Variants in CPT2 observed in about 807,000 individuals in gnomAD.
CPT2 encodes the protein carnitine palmitoyltransferase 2, also known as carnitine O-palmitoyltransferase 2, mitochondrial.
CPT2 carries 37 observed loss-of-function variants against 48.6 expected under a neutral mutation model. The observed-to-expected ratio is 0.76, with a 90% CI of 0.59 to 1.00. CPT2 has a LOEUF of 1.00. CPT2 is among the 50% of genes least tolerant of loss of function. The pLI, the probability that CPT2 is intolerant of heterozygous loss-of-function variation, is 0.00. For synonymous variants in CPT2, 319 were observed against 326.9 expected (o/e 0.98, Z 0.26); for missense variants, 772 against 825.6 (o/e 0.94, Z 0.80).
At chr1:53,202,692 T>C (rs1645361217) in intron 3 of CPT2, 1 of 496,264 alleles carries the variant, frequency 2.0e-6, no homozygotes, top group Non-Finnish European at 3.7e-6. Flanking sequence ...TGGTCCTGTC[T>C]GAAAAGGATG....
rs1645417147 is a variant in CPT2, at chr1:53,210,592, G to A, written c.918G>A (p.Leu306=). ...TCTGGGCAGAGCTCAGGCAGAAGCTGATGAGTAGTGGCAATGAGGAGAGCC... is the reference window on the plus strand; with the variant it reads ...TCTGGGCAGAGCTCAGGCAGAAGCTAATGAGTAGTGGCAATGAGGAGAGCC... ...RDIWAELRQK[L]MSSGNEESLR... Residue 306 remains leucine (L), a synonymous_variant, in exon 4 of 5, where the codon CTG becomes CTA. Transcript: ENST00000371486. 2 of 1,614,024 alleles carry A rather than the reference G, an allele frequency of 1.2e-6. No homozygotes were observed. Among genetic ancestry groups the A allele is most frequent in the Non-Finnish European group, 8.5e-7 (1 of 1,180,040 alleles).
chr1:53,213,052 G>T, intron 4 of CPT2: 1 of 601,118 alleles, frequency 1.7e-6, no homozygotes, highest in Admixed American at 2.9e-5. Context: ...ATTTTTAAAT[G>T]TAACATGACA....
Position 53,200,807 on chromosome 1 carries a change from CTG to C in CPT2, c.233+9_233+10del. On this transcript the variant is annotated intron_variant, in intron 2 of 4. Coordinates refer to ENST00000371486, the MANE Select transcript of CPT2 (RefSeq NM_000098.3). ...GAATGATGGCCAGTTCAGGTAAACA[CTG>C]AGAACCTTGGGTGAGCATAGTTGGG... 1 of 1,607,424 alleles carries C rather than the reference CTG, an allele frequency of 6.2e-7. No individual in the cohort carries two copies. The highest frequency in any genetic ancestry group is 8.5e-7 in the Non-Finnish European group (1 of 1,173,956).
intron 4 of CPT2, 94 bp downstream of exon 4, chr1:53,211,413 C>A: frequency 7.7e-7 from 1 of 1,306,106 alleles, no homozygotes; most frequent in Non-Finnish European, 1.1e-6. Flanking sequence ...GATTTCTACC[C>A]GTTCACTAGG....
intron 4 of CPT2, chr1:53,212,739 G>C (rs1272676723): frequency 2.5e-6 from 1 of 406,900 alleles, no homozygotes; most frequent in Non-Finnish European, 4.3e-6. Flanking sequence ...AAGTGAAAGG[G>C]ACCTCCAAGA....
chr1:53,197,148 C>T, intron 1 of CPT2, 53 bp downstream of exon 1: 1 of 1,533,510 alleles, frequency 6.5e-7, no homozygotes, highest in South Asian at 1.2e-5. Context: ...GGATCGGCCC[C>T]AACCTGACTG....
chr1:53,212,515 T>C (rs1645435834), intron 4 of CPT2, among the ~76,000 whole-genome samples: 1 of 152,222 alleles, frequency 6.6e-6, no homozygotes, highest in African/African-American at 2.4e-5. Context: ...CTATTACTGA[T>C]TGGTTATCAG....
chr1:53,210,035 C>T lies in CPT2; in HGVS notation c.361C>T (p.Leu121=). The part of the protein sequence containing the change: ...YISGPWFDMY[L]SARDSVVLNF... ...TTTAGGACCCTGGTTTGATATGTAC[C>T]TATCTGCTCGAGACTCCGTTGTTCT... is the stretch of plus-strand genomic sequence containing the variant. The change falls in exon 4 of 5, where the codon CTA becomes TTA. Residue 121 remains leucine, a synonymous_variant. Transcript: ENST00000371486. 1 of 1,613,624 alleles carries T rather than the reference C, an allele frequency of 6.2e-7. No homozygotes were observed.
Position 53,210,634 on chromosome 1 carries a change from G to T in CPT2, c.960G>T (p.Ser320=), listed in dbSNP as rs569273347. Residue 320 remains serine (S), a synonymous_variant, in exon 4 of 5, where the codon TCG becomes TCT. Transcript: ENST00000371486. ...GNEESLRKVD[S]AVFCLCLDDF... ...AGGAGAGCCTGAGGAAAGTGGACTC[G>T]GCAGTGTTCTGTCTCTGCCTAGATG... 3.7e-6 allele frequency: 6 copies of T among 1,613,988 alleles called. No individual in the cohort carries two copies. The highest frequency in any genetic ancestry group is 1.7e-6 in the Non-Finnish European group (2 of 1,180,034).
At chr1:53,212,230 A>G (rs1012313349) in intron 4 of CPT2, among the ~76,000 whole-genome samples, 1 of 151,814 alleles carries the variant, frequency 6.6e-6, no homozygotes, top group African/African-American at 2.4e-5. Flanking sequence ...ATGCCCAGCT[A>G]ATTTTTATAT....
Position 53,200,822 on chromosome 1 carries a change from G to A in CPT2, c.233+23G>A, listed in dbSNP as rs754765401. On this transcript the variant is annotated intron_variant, in intron 2 of 4. Coordinates refer to ENST00000371486, the MANE Select transcript of CPT2 (RefSeq NM_000098.3). ...CAGGTAAACACTGAGAACCTTGGGTGAGCATAGTTGGGGTGGTTCAAGACA... is the reference window on the plus strand; with the variant it reads ...CAGGTAAACACTGAGAACCTTGGGTAAGCATAGTTGGGGTGGTTCAAGACA... The A allele has an allele frequency of 9.5e-6, 15 of 1,585,444 alleles. No individual in the cohort carries two copies. The South Asian group carries it at 1.7e-4, about 18-fold the overall frequency.
rs773742232 is a variant in CPT2 at position 53,213,249 on chromosome 1, TTTTG to T, written c.1646-11_1646-8del. 6.2e-7 allele frequency: 1 copy of T among 1,613,858 alleles called. No individual in the cohort carries two copies. Among genetic ancestry groups the T allele is most frequent in the African/African-American group, 1.3e-5 (1 of 75,046 alleles). ...TCCATCCTGAGACTCTGGTTTTCCA[TTTTG>T]TTTCTCACAGGCCAGGGCTTTGACC... On this transcript the variant is annotated splice_polypyrimidine_tract_variant and intron_variant, in intron 4 of 4. Transcript: ENST00000371486.
chr1:53,206,717 C>G (rs887262601), intron 3 of CPT2, among the ~76,000 whole-genome samples: 1 of 152,234 alleles, frequency 6.6e-6, no homozygotes. Context: ...GCTTGTAACA[C>G]CAGTGTATCT....
intron 4 of CPT2, chr1:53,212,651 C>G (rs989717863): frequency 1.5e-5 from 6 of 398,762 alleles, no homozygotes; most frequent in Non-Finnish European, 2.6e-5. Context: ...CCGTCATTAC[C>G]TTTTTTTGAT....
intron 3 of CPT2, among the ~76,000 whole-genome samples, chr1:53,205,568 T>C (rs900930339): frequency 1.3e-5 from 2 of 152,172 alleles, no homozygotes; most frequent in African/African-American, 4.8e-5. Flanking sequence ...CTGCAGAAAT[T>C]TGCATAAGTA....
At position 53,210,122 on chromosome 1, in the gene CPT2, A is replaced by C. The variant is rs141505320; in HGVS notation, c.448A>C (p.Thr150Pro). ...DPKSEYNDQL[T>P]RATNMTVSAI... ...AAAATCTGAGTATAATGACCAGCTC[A>C]CCCGGGCAACCAACATGACTGTTTC... is the stretch of plus-strand genomic sequence containing the variant. The change falls in exon 4 of 5, where the codon ACC becomes CCC. Residue 150 changes from threonine to proline, a missense_variant. Transcript: ENST00000371486. 6 of 1,613,944 alleles carry C rather than the reference A, an allele frequency of 3.7e-6. No homozygotes were observed. In the African/African-American group the frequency reaches 8.0e-5, roughly 22 times the overall value.
At chr1:53,199,196 G>C (rs898672503) in intron 1 of CPT2, among the ~76,000 whole-genome samples, 7 of 152,164 alleles carry the variant, frequency 4.6e-5, no homozygotes, top group Admixed American at 1.3e-4. Flanking sequence ...AAGTAGCTGG[G>C]ATTACAAGCA....
At chr1:53,211,600 CT>C (rs112026378) in intron 4 of CPT2, 27,190 of 369,722 alleles carry the variant, frequency 0.074, 2 homozygotes, top group Middle Eastern at 0.13. Context: ...TTTTTTCTTT[CT>C]TTTTTTTTTT....
chr1:53,201,648 T>C (rs1645355284), intron 2 of CPT2: 1 of 153,672 alleles, frequency 6.5e-6, no homozygotes, highest in Non-Finnish European at 1.4e-5. Context: ...AAAAAGTGGA[T>C]TGCATTAAGC....
Sources: gnomAD v4.1 joint callset for allele counts (sites outside exome capture counted in the v4.1 genomes callset) on GRCh38, gnomAD v4.1.1 for gene constraint, MANE v1.5 for transcripts, NCBI Gene and HGNC (gene_info 2026-07-23, HGNC 2026-07-21) for gene names.